Variants in ACOXL observed in about 807,000 individuals in gnomAD.
ACOXL encodes the protein acyl-CoA oxidase like.
A neutral mutation model predicts 71.9 loss-of-function variants in ACOXL; 70 were observed. The observed-to-expected ratio is 0.97, with a 90% CI of 0.80 to 1.19. The LOEUF (loss-of-function observed/expected upper bound fraction) is 1.19. Among genes scored for constraint, ACOXL ranks in the 50% most tolerant of loss-of-function variants. The pLI is 0.00. For synonymous variants in ACOXL, 253 were observed against 281.6 expected, an observed-to-expected ratio of 0.90 and a Z score of 1.02; for missense variants, 703 against 736.3, an observed-to-expected ratio of 0.95 and a Z score of 0.52.
chr2:110,786,785 A>G (rs1684012922), intron 3 of ACOXL, among the ~76,000 whole-genome samples: 2 of 152,340 alleles, frequency 1.3e-5, no homozygotes, highest in African/African-American at 4.8e-5. Flanking sequence ...AGACTTAAGA[A>G]GCATTTTAAC....
At chr2:110,737,006 A>C (rs1357348709) in intron 1 of ACOXL, among the ~76,000 whole-genome samples, 1 of 152,088 alleles carries the variant, frequency 6.6e-6, no homozygotes, top group Non-Finnish European at 1.5e-5. Flanking sequence ...TGGTTGTGTT[A>C]GTGTGGTTTT....
At chr2:110,797,752 C>T (rs776839508) in intron 5 of ACOXL, among the ~76,000 whole-genome samples, 2 of 152,166 alleles carry the variant, frequency 1.3e-5, no homozygotes, top group Non-Finnish European at 2.9e-5. Flanking sequence ...GGGCCCAGAT[C>T]GTTGGATATT....
intron 14 of ACOXL, among the ~76,000 whole-genome samples, chr2:110,997,213 G>A (rs2063437171): frequency 6.6e-6 from 1 of 152,210 alleles, no homozygotes; most frequent in Non-Finnish European, 1.5e-5. Context: ...GAAGAAAACA[G>A]AAGCAGAGTG....
intron 10 of ACOXL, among the ~76,000 whole-genome samples, chr2:110,877,411 G>A (rs988513612): frequency 4.6e-5 from 7 of 152,238 alleles, no homozygotes; most frequent in Non-Finnish European, 8.8e-5. Context: ...CTTTCTAGAT[G>A]TTTTTAGAAA....
At chr2:111,076,491 T>C (rs1435255825) in intron 16 of ACOXL, among the ~76,000 whole-genome samples, 1 of 152,230 alleles carries the variant, frequency 6.6e-6, no homozygotes, top group Non-Finnish European at 1.5e-5. Context: ...TTTGGAGTTA[T>C]TTTTTGGTAC....
chr2:111,006,357 G>T (rs2063872059), intron 14 of ACOXL, among the ~76,000 whole-genome samples: 1 of 152,210 alleles, frequency 6.6e-6, no homozygotes, highest in African/African-American at 2.4e-5. Flanking sequence ...AAAGGACGAT[G>T]TCGTAGAAAG....
At chr2:110,844,238 CATCTTCAATACTGTGGAAACGGAG>C (rs1251892955) in intron 10 of ACOXL, among the ~76,000 whole-genome samples, 1 of 152,226 alleles carries the variant, frequency 6.6e-6, no homozygotes, top group East Asian at 1.9e-4. Context: ...CACGGACTGA[CATCTTCAATACTGTGGAAACGGAG>C]AAGGGATGAT....
intron 10 of ACOXL, 105 bp downstream of exon 10, chr2:110,841,510 C>A: frequency 1.2e-6 from 1 of 821,696 alleles, no homozygotes; most frequent in Non-Finnish European, 2.0e-6. Context: ...TGGTTGCTTT[C>A]CTGTGATGTC....
At chr2:111,097,221 C>A (rs543995012) in intron 17 of ACOXL, among the ~76,000 whole-genome samples, 1 of 152,060 alleles carries the variant, frequency 6.6e-6, no homozygotes, top group South Asian at 2.1e-4. Context: ...TTGTTTTCTG[C>A]AGAAAAGTTG....
At chr2:110,978,690 T>C (rs1340427342) in intron 12 of ACOXL, among the ~76,000 whole-genome samples, 4 of 152,246 alleles carry the variant, frequency 2.6e-5, no homozygotes, top group African/African-American at 9.6e-5. Context: ...TTATATCTAG[T>C]TTTATGTTTG....
chr2:110,875,135 G>A (rs1482781284), intron 10 of ACOXL, among the ~76,000 whole-genome samples: 1 of 152,202 alleles, frequency 6.6e-6, no homozygotes, highest in Non-Finnish European at 1.5e-5. Flanking sequence ...CACAGTTAGA[G>A]TGAGGCCGAC....
At chr2:110,885,166 A>G (rs1002189333) in intron 10 of ACOXL, among the ~76,000 whole-genome samples, 9 of 152,206 alleles carry the variant, frequency 5.9e-5, no homozygotes, top group South Asian at 4.1e-4. Context: ...GGCAAAGGAG[A>G]TGGGAACATT....
chr2:110,913,542 C>CA (rs1324446384), intron 11 of ACOXL, among the ~76,000 whole-genome samples: 1 of 152,066 alleles, frequency 6.6e-6, no homozygotes, highest in East Asian at 1.9e-4. Flanking sequence ...ATGAAATTTC[C>CA]AGAATAGTCA....
chr2:110,801,565 C>T (rs754194286), intron 7 of ACOXL, 87 bp from the exon 8 acceptor site: 82 of 1,157,234 alleles, frequency 7.1e-5, no homozygotes, highest in Non-Finnish European at 1.0e-4. Flanking sequence ...AAATAAGGGG[C>T]TTTGTATTTT....
intron 9 of ACOXL, among the ~76,000 whole-genome samples, chr2:110,831,975 GA>G (rs892883917): frequency 1.1e-4 from 16 of 150,254 alleles, no homozygotes; most frequent in South Asian, 6.3e-4. Flanking sequence ...AAAACTTTTA[GA>G]AAAAAAAATA....
intron 10 of ACOXL, among the ~76,000 whole-genome samples, chr2:110,874,582 C>A (rs1372106989): frequency 6.6e-6 from 1 of 152,170 alleles, no homozygotes; most frequent in Non-Finnish European, 1.5e-5. Context: ...ATTAGCATTT[C>A]TGCACATGAC....
chr2:111,054,731 A>G (rs1025380242), intron 16 of ACOXL, among the ~76,000 whole-genome samples: 1 of 152,174 alleles, frequency 6.6e-6, no homozygotes, highest in Non-Finnish European at 1.5e-5. Context: ...AAGAAGTCAG[A>G]CACATTTGAA....
At chr2:110,912,109 CAAAG>C (rs892726796) in intron 11 of ACOXL, among the ~76,000 whole-genome samples, 26 of 151,984 alleles carry the variant, frequency 1.7e-4, no homozygotes, top group African/African-American at 5.1e-4. Context: ...ATAAATTTAA[CAAAG>C]AAGTTAAAGA....
At chr2:111,096,658 A>T (rs1388317628) in intron 17 of ACOXL, among the ~76,000 whole-genome samples, 1 of 152,046 alleles carries the variant, frequency 6.6e-6, no homozygotes, top group Non-Finnish European at 1.5e-5. Context: ...GATACCTTAA[A>T]ATCTTTACAA....
Sources: gnomAD v4.1 joint callset for allele counts (sites outside exome capture counted in the v4.1 genomes callset) on GRCh38, gnomAD v4.1.1 for gene constraint, MANE v1.5 for transcripts, NCBI Gene and HGNC (gene_info 2026-07-23, HGNC 2026-07-21) for gene names.